Variants in LDB1 observed in about 807,000 individuals in gnomAD.
The protein encoded by LDB1 is LIM domain binding 1, also known as LIM domain-binding protein 1.
A neutral mutation model predicts 49.7 loss-of-function variants in LDB1; 6 were observed. The observed-to-expected ratio is 0.12, with a 90% CI of 0.07 to 0.24. LDB1 has a LOEUF of 0.24. Among genes scored for constraint, LDB1 ranks in the 10% least tolerant of loss-of-function variants. The pLI is 1.00. For missense variants in LDB1, 341 were observed against 561.7 expected (o/e 0.61, Z 3.97); for synonymous variants, 233 against 202.0 (o/e 1.15, Z -1.30).
In LDB1 at chr10:102,109,630, C is replaced by T; in HGVS notation, c.702G>A (p.Gly234=). The change falls in exon 8 of 11, where the codon GGG becomes GGA. Residue 234 remains glycine (G), a synonymous_variant. Transcript: ENST00000673968. This position sits in a 1 kb window ranked among gnomAD's most constrained non-coding sequence, Gnocchi z 5.8. Reference sequence around the variant, plus strand: ...GGTAGTTGAGAGTGGAATTGGACAGCCCACACCGAGTGATGTTTTTGGAGA... The same window carrying T: ...GGTAGTTGAGAGTGGAATTGGACAGTCCACACCGAGTGATGTTTTTGGAGA... ...DQLSKNITRC[G]LSNSTLNYLR... The T allele has an allele frequency of 1.2e-6, 2 of 1,614,052 alleles. No homozygotes were observed. The highest frequency in any genetic ancestry group is 1.7e-6 in the Non-Finnish European group (2 of 1,180,002).
At chr10:102,115,458 G>A (rs1314086530) in intron 1 of LDB1, among the ~76,000 whole-genome samples, 3 of 152,210 alleles carry the variant, frequency 2.0e-5, no homozygotes, top group African/African-American at 7.2e-5. Flanking sequence ...AGAGGCTCCA[G>A]GGGGTTATTT....
At position 102,107,385 on chromosome 10, in the gene LDB1, G is replaced by C. The variant is rs560531318; in HGVS notation, c.*708C>G. 6.6e-6 allele frequency among the ~76,000 whole-genome samples: 1 copy of C among 152,100 alleles called. No individual in the cohort carries two copies. The highest frequency in any genetic ancestry group is 1.9e-4 in the East Asian group (1 of 5,160). On this transcript the variant is annotated 3_prime_UTR_variant, in exon 11 of 11. Transcript: ENST00000673968. ...TTCCTCAACTGCAGTCACCCCAGAG[G>C]AAAGGGGGAGAGATGGTGAAATGTC...
intron 1 of LDB1, chr10:102,114,642 G>A: frequency 2.0e-6 from 2 of 976,688 alleles, no homozygotes; most frequent in Non-Finnish European, 2.4e-6. Context: ...CACTGGGCCG[G>A]GGGCCGGGGG....
chr10:102,112,284 A>C (rs2068267214), intron 1 of LDB1, among the ~76,000 whole-genome samples: 3 of 152,214 alleles, frequency 2.0e-5, no homozygotes. Flanking sequence ...CAGATGAGGC[A>C]ACTGAGGGCT....
At chr10:102,118,339 C>G (rs967796264) in intron 1 of LDB1, among the ~76,000 whole-genome samples, 1 of 152,230 alleles carries the variant, frequency 6.6e-6, no homozygotes, top group Non-Finnish European at 1.5e-5. Context: ...TCTTCCCTAT[C>G]TTTTGCCCTC....
downstream of LDB1, among the ~76,000 whole-genome samples, chr10:102,105,560 T>G (rs2068150725): frequency 1.3e-5 from 2 of 152,034 alleles, no homozygotes; most frequent in South Asian, 4.1e-4. Context: ...AGACCCCATC[T>G]CCAATCTACA....
chr10:102,119,653 A>T (rs1590292947), intron 1 of LDB1, among the ~76,000 whole-genome samples: 1 of 146,054 alleles, frequency 6.8e-6, no homozygotes, highest in East Asian at 2.1e-4. Context: ...CAGAAACAGC[A>T]TGGGGGGGAT....
intron 4 of LDB1, 45 bp from the exon 5 acceptor site, chr10:102,111,016 A>G: frequency 1.2e-6 from 2 of 1,611,416 alleles, no homozygotes; most frequent in Admixed American, 1.7e-5. Context: ...AAGATATCCC[A>G]TAGGGTGCCC....
At position 102,107,867 on chromosome 10, in the gene LDB1, G is replaced by A. The variant is rs1487829130; in HGVS notation, c.*226C>T. ...CCAGGTTCCAAGTAGGCATCCACATGAGTACCCCCTCCCCCTAAAAGGCTC... is the reference window on the plus strand; with the variant it reads ...CCAGGTTCCAAGTAGGCATCCACATAAGTACCCCCTCCCCCTAAAAGGCTC... On this transcript the variant is annotated 3_prime_UTR_variant, in exon 11 of 11. Transcript: ENST00000673968. 3 of 586,296 alleles carry A rather than the reference G, an allele frequency of 5.1e-6. No individual in the cohort carries two copies. The highest frequency in any genetic ancestry group is 9.1e-6 in the Non-Finnish European group (3 of 328,268). 36.3% of individuals were successfully genotyped at this position (586,296 alleles called of 1,614,324 possible). A position where few individuals can be genotyped will look rare whatever the true frequency, so the allele number is the denominator to read the frequency against.
At chr10:102,114,666 C>G (rs2068308048) in intron 1 of LDB1, 1 of 910,228 alleles carries the variant, frequency 1.1e-6, no homozygotes, top group Non-Finnish European at 1.3e-6. Context: ...GGGGGCCGGC[C>G]TGGGGGGCGG....
At chr10:102,114,812 G>GGGCGGCCCC in intron 1 of LDB1, 1 of 929,818 alleles carries the variant, frequency 1.1e-6, no homozygotes, top group Non-Finnish European at 1.3e-6. Flanking sequence ...CCTCCGAGCA[G>GGGCGGCCCC]CCCGCCCGCC....
rs193256651 is a variant in LDB1 at position 102,117,096 on chromosome 10, C to T, written c.25+2990G>A. Among the ~76,000 whole-genome samples, 715 of 152,260 alleles carry T rather than the reference C, an allele frequency of 4.7e-3. 10 individuals carry two copies. Among genetic ancestry groups the T allele is most frequent in the African/African-American group, 0.016 (683 of 41,558 alleles). On this transcript the variant is annotated intron_variant, in intron 1 of 10. Transcript: ENST00000673968. This position sits in a 1 kb window ranked among gnomAD's most constrained non-coding sequence, Gnocchi z 4.2. ...AGCCATTCCTACTCCCTTCCCCCTCCAGGCCTCAAATCACTGTCCTCATGG... is the reference window on the plus strand; with the variant it reads ...AGCCATTCCTACTCCCTTCCCCCTCTAGGCCTCAAATCACTGTCCTCATGG...
In LDB1 at chr10:102,110,054, G is replaced by A. The variant is rs908766732; in HGVS notation, c.526-11C>T. ...GCCCTCCACACACACCTGGGGACAG[G>A]CTTGTCAGAACCCTGCCCCCTCCCC... On this transcript the variant is annotated splice_polypyrimidine_tract_variant and intron_variant, in intron 6 of 10. Transcript: ENST00000673968. 1.9e-6 allele frequency: 3 copies of A among 1,610,076 alleles called. No homozygotes were observed. The highest frequency in any genetic ancestry group is 2.5e-6 in the Non-Finnish European group (3 of 1,177,510).
intron 1 of LDB1, among the ~76,000 whole-genome samples, chr10:102,112,556 T>A (rs2068270547): frequency 6.6e-6 from 1 of 152,196 alleles, no homozygotes; most frequent in African/African-American, 2.4e-5. Context: ...AGTTGGGCCT[T>A]CTGCCTCCCC....
intron 1 of LDB1, chr10:102,114,948 T>C: frequency 1.7e-6 from 1 of 573,242 alleles, no homozygotes; most frequent in Non-Finnish European, 2.2e-6. Flanking sequence ...CTTTCTCCCT[T>C]TCTCTCCCTG....
chr10:102,120,414 C>G, upstream of LDB1: 1 of 983,084 alleles, frequency 1.0e-6, no homozygotes, highest in Non-Finnish European at 1.2e-6. Flanking sequence ...TGTCTGTGCG[C>G]TCCCGCCGCC....
In LDB1 at chr10:102,109,448, G is replaced by A. The variant is rs750148559; in HGVS notation, c.792C>T (p.Leu264=). The change falls in exon 9 of 11, where the codon CTC becomes CTT. Residue 264 remains leucine, a synonymous_variant. Transcript: ENST00000673968. This position sits in a 1 kb window ranked among gnomAD's most constrained non-coding sequence, Gnocchi z 5.8. ...AGGTCTTGAGGCAGTCGCGGGGGCT[G>A]AGGCTGTAGGTCTTGTGGCGTGACA... is the stretch of plus-strand genomic sequence containing the variant. The part of the protein sequence containing the change: ...ELMSRHKTYS[L]SPRDCLKTCL... 2.5e-6 allele frequency: 4 copies of A among 1,614,226 alleles called. 1 individual carries two copies. The Admixed American group carries it at 5.0e-5, about 20-fold the overall frequency.
intron 1 of LDB1, 132 bp from the exon 2 acceptor site, chr10:102,111,668 T>C (rs1008367472): frequency 1.9e-6 from 1 of 537,524 alleles, no homozygotes; most frequent in Non-Finnish European, 3.3e-6. Flanking sequence ...CTAGGCAACA[T>C]AGCGAGACCT....
chr10:102,111,186 GC>G, intron 3 of LDB1, 42 bp from the exon 4 acceptor site: 1 of 1,609,716 alleles, frequency 6.2e-7, no homozygotes, highest in Non-Finnish European at 8.5e-7. Context: ...AGCGGAGCCT[GC>G]CCCCTCCACC....
Sources: gnomAD v4.1 joint callset for allele counts (sites outside exome capture counted in the v4.1 genomes callset) on GRCh38, gnomAD v4.1.1 for gene constraint, Gnocchi (gnomAD v3.1) non-coding constraint, MANE v1.5 for transcripts, NCBI Gene and HGNC (gene_info 2026-07-23, HGNC 2026-07-21) for gene names.